Variants in EPHA3 observed in about 807,000 individuals in gnomAD.
EPHA3 encodes the protein ephrin type-A receptor 3.
In EPHA3, 42 loss-of-function variants were observed where a neutral mutation model predicts 107.1. The observed-to-expected ratio is 0.39, with a 90% confidence interval of 0.31 to 0.51. EPHA3 has a LOEUF of 0.51. Among genes scored for constraint, EPHA3 ranks in the 20% least tolerant of loss-of-function variants. The pLI is 0.78. For synonymous variants in EPHA3, 461 were observed against 424.8 expected (o/e 1.09, Z -1.05); for missense variants, 1,183 against 1,211.2 (o/e 0.98, Z 0.35).
chr3:89,393,567 A>T (rs575434349), intron 5 of EPHA3, among the ~76,000 whole-genome samples: 1 of 152,288 alleles, frequency 6.6e-6, no homozygotes, highest in East Asian at 1.9e-4. Context: ...TAAATGTAGG[A>T]CCTCATGTGT....
intron 2 of EPHA3, among the ~76,000 whole-genome samples, chr3:89,204,929 C>T (rs1285989940): frequency 6.6e-6 from 1 of 152,092 alleles, no homozygotes; most frequent in Non-Finnish European, 1.5e-5. Flanking sequence ...TTACTGGGTG[C>T]AAGATTAATC....
At chr3:89,282,673 A>G (rs1166725401) in intron 3 of EPHA3, among the ~76,000 whole-genome samples, 1 of 152,076 alleles carries the variant, frequency 6.6e-6, no homozygotes, top group African/African-American at 2.4e-5. Context: ...ACAATCAATT[A>G]TAAGTACCAA....
intron 5 of EPHA3, among the ~76,000 whole-genome samples, chr3:89,349,598 A>G (rs1203714635): frequency 5.2e-4 from 73 of 140,478 alleles, no homozygotes; most frequent in East Asian, 2.3e-3. Flanking sequence ...TTTTAATTGG[A>G]GCATTTAGTC....
In EPHA3 at chr3:89,419,332, C is replaced by T. The variant is rs1156495695; in HGVS notation, c.2016C>T (p.Ser672=). The T allele has an allele frequency of 5.6e-6, 9 of 1,609,840 alleles. No homozygotes were observed. The highest frequency in any genetic ancestry group is 6.8e-6 in the Non-Finnish European group (8 of 1,177,446). The change falls in exon 11 of 17, where the codon AGC becomes AGT. Residue 672 remains serine (S), a synonymous_variant. Transcript: ENST00000336596. ...KQRRDFLGEA[S]IMGQFDHPNI... is the part of the protein sequence containing the mutation. ...GGAGAGACTTCCTGGGAGAAGCAAG[C>T]ATTATGGGACAGTTTGACCACCCCA... is the stretch of plus-strand genomic sequence containing the variant.
chr3:89,378,889 T>G (rs969096032), intron 5 of EPHA3, among the ~76,000 whole-genome samples: 3 of 152,202 alleles, frequency 2.0e-5, no homozygotes, highest in African/African-American at 7.2e-5. Context: ...TTCTCAAAAT[T>G]CTGAGATCAA....
At chr3:89,340,577 G>C (rs1167949110) in intron 3 of EPHA3, among the ~76,000 whole-genome samples, 1 of 152,176 alleles carries the variant, frequency 6.6e-6, no homozygotes, top group African/African-American at 2.4e-5. Flanking sequence ...GTTTTAAAAA[G>C]GGAATTACTA....
intron 3 of EPHA3, among the ~76,000 whole-genome samples, chr3:89,319,723 C>T (rs1185225292): frequency 6.6e-6 from 1 of 151,832 alleles, no homozygotes; most frequent in Non-Finnish European, 1.5e-5. Flanking sequence ...CTCAGATGAC[C>T]TAAACTGATG....
At chr3:89,453,410 T>C (rs1436267499) in intron 15 of EPHA3, among the ~76,000 whole-genome samples, 1 of 152,108 alleles carries the variant, frequency 6.6e-6, no homozygotes. Flanking sequence ...TCCACTCTTA[T>C]TGAAATATAT....
chr3:89,390,208 C>A (rs1708697509), intron 5 of EPHA3, among the ~76,000 whole-genome samples: 1 of 152,122 alleles, frequency 6.6e-6, no homozygotes, highest in African/African-American at 2.4e-5. Flanking sequence ...TCAAGCTGGT[C>A]TCGACCTCCT....
intron 5 of EPHA3, among the ~76,000 whole-genome samples, chr3:89,372,866 A>T (rs1708335140): frequency 6.6e-6 from 1 of 151,818 alleles, no homozygotes; most frequent in African/African-American, 2.4e-5. Context: ...TATATTTTAA[A>T]TAAAAGTATT....
chr3:89,337,801 T>C (rs1707428400), intron 3 of EPHA3, among the ~76,000 whole-genome samples: 2 of 152,186 alleles, frequency 1.3e-5, no homozygotes, highest in Non-Finnish European at 2.9e-5. Flanking sequence ...GTCACTCAGG[T>C]ATGCCGTCTG....
chr3:89,382,309 A>G (rs1299205616), intron 5 of EPHA3, among the ~76,000 whole-genome samples: 4 of 151,986 alleles, frequency 2.6e-5, no homozygotes, highest in Non-Finnish European at 5.9e-5. Flanking sequence ...AGATTTCATT[A>G]CCAGCCTGGC....
chr3:89,304,989 A>G (rs1366673539), intron 3 of EPHA3, among the ~76,000 whole-genome samples: 1 of 152,218 alleles, frequency 6.6e-6, no homozygotes, highest in African/African-American at 2.4e-5. Flanking sequence ...TTCTTTAGCC[A>G]TGCAATTAAA....
At chr3:89,114,769 G>A (rs1325708696) in intron 1 of EPHA3, among the ~76,000 whole-genome samples, 1 of 152,198 alleles carries the variant, frequency 6.6e-6, no homozygotes, top group Non-Finnish European at 1.5e-5. Flanking sequence ...AGGCAAACGT[G>A]CGCCCTCTGC....
At chr3:89,260,474 A>G (rs1182736625) in intron 3 of EPHA3, among the ~76,000 whole-genome samples, 1 of 151,950 alleles carries the variant, frequency 6.6e-6, no homozygotes, top group Non-Finnish European at 1.5e-5. Context: ...AGCCATTTTT[A>G]TGTCTTCTTT....
In EPHA3 at chr3:89,480,041, A is replaced by G. The variant is rs1710593580; in HGVS notation, c.*539A>G. 1 of 232,894 alleles carries G rather than the reference A, an allele frequency of 4.3e-6. No individual in the cohort carries two copies. Among genetic ancestry groups the G allele is most frequent in the Admixed American group, 5.6e-5 (1 of 17,770 alleles). 14.4% of individuals were successfully genotyped at this position (232,894 alleles called of 1,614,324 possible). ...ATCTGTTTAAAGCATATAGAGATGAAGTTTGTAGTTGTTTTAAGTACTACA... is the reference window on the plus strand; with the variant it reads ...ATCTGTTTAAAGCATATAGAGATGAGGTTTGTAGTTGTTTTAAGTACTACA... On this transcript the variant is annotated 3_prime_UTR_variant, in exon 17 of 17. Coordinates refer to ENST00000336596, the MANE Select transcript of EPHA3 (RefSeq NM_005233.6).
chr3:89,126,436 C>T (rs541649615), intron 1 of EPHA3, among the ~76,000 whole-genome samples: 4 of 151,790 alleles, frequency 2.6e-5, no homozygotes, highest in Admixed American at 1.3e-4. Flanking sequence ...AGTGTTCCAT[C>T]TTCTTTTAAT....
At chr3:89,472,317 T>A (rs1710418072) in intron 15 of EPHA3, 147 bp from the exon 16 acceptor site, 1 of 856,710 alleles carries the variant, frequency 1.2e-6, no homozygotes, top group Admixed American at 2.5e-5. Context: ...CTTGAACAGA[T>A]GAAGCTTTCA....
intron 5 of EPHA3, among the ~76,000 whole-genome samples, chr3:89,358,068 T>C (rs1168557520): frequency 1.3e-5 from 2 of 151,236 alleles, no homozygotes; most frequent in African/African-American, 2.4e-5. Context: ...ATGTATAAAT[T>C]AGGAATGTAA....
Sources: allele counts gnomAD v4.1 joint callset (sites outside exome capture counted in the v4.1 genomes callset), GRCh38; gene constraint gnomAD v4.1.1; transcripts MANE v1.5; gene names NCBI Gene and HGNC (gene_info 2026-07-23, HGNC 2026-07-21).